The following GPNMB variants were observed in gnomAD, a reference collection of about 807,000 sequenced individuals.
GPNMB encodes the protein transmembrane glycoprotein NMB.
A neutral mutation model predicts 57.3 loss-of-function variants in GPNMB; 71 were observed. The observed-to-expected ratio is 1.24, with a 90% CI of 1.02 to 1.51. The LOEUF (loss-of-function observed/expected upper bound fraction) is 1.51. Among genes scored for constraint, GPNMB ranks in the 40% most tolerant of loss-of-function variants. The probability of loss-of-function intolerance (pLI) is 0.00; values close to 1 mark genes in which losing one functional copy is unlikely to be tolerated. For missense variants in GPNMB, 677 were observed against 691.9 expected (o/e 0.98, Z 0.24); for synonymous variants, 253 against 263.2 (o/e 0.96, Z 0.38).
At chr7:23,268,965 C>G (rs1783133839) in intron 8 of GPNMB, among the ~76,000 whole-genome samples, 1 of 152,198 alleles carries the variant, frequency 6.6e-6, no homozygotes, top group Non-Finnish European at 1.5e-5. Context: ...GCATCAAGGA[C>G]AGATGAGTCA....
At chr7:23,255,989 C>T (rs1282901530) in intron 3 of GPNMB, among the ~76,000 whole-genome samples, 1 of 152,054 alleles carries the variant, frequency 6.6e-6, no homozygotes, top group African/African-American at 2.4e-5. Flanking sequence ...TCACTGCAAC[C>T]TCCACCTCCC....
In GPNMB at chr7:23,253,408, C is replaced by T; in HGVS notation, c.172C>T (p.Leu58Phe). The change falls in exon 2 of 11, where the codon CTC (leucine) becomes TTC (phenylalanine). Residue 58 changes from leucine (L) to phenylalanine (F), a missense_variant. Transcript: ENST00000258733. ...SSDENDWNEK[L>F]YPVWKRGDMR... is the part of the protein sequence containing the mutation. The stretch of plus-strand genomic sequence containing the variant: ...TGATGAAAATGACTGGAATGAAAAA[C>T]TCTACCCAGTGTGGAAGCGGGGAGA... The T allele has an allele frequency of 6.2e-7, 1 of 1,613,826 alleles. No individual in the cohort carries two copies. The highest frequency in any genetic ancestry group is 1.1e-5 in the South Asian group (1 of 91,068).
intron 9 of GPNMB, among the ~76,000 whole-genome samples, chr7:23,272,662 G>A (rs974671804): frequency 2.6e-5 from 4 of 152,190 alleles, no homozygotes; most frequent in East Asian, 1.9e-4. Flanking sequence ...TTTATGTATC[G>A]ATTCAATGGA....
At chr7:23,267,810 T>C (rs1783104498) in intron 7 of GPNMB, 76 bp from the exon 8 acceptor site, 1 of 988,502 alleles carries the variant, frequency 1.0e-6, no homozygotes, top group Admixed American at 1.7e-5. Context: ...ATTCAATCTA[T>C]ACCAGAGTGA....
intron 7 of GPNMB, among the ~76,000 whole-genome samples, chr7:23,267,444 T>C (rs1783092096): frequency 6.6e-6 from 1 of 152,238 alleles, no homozygotes; most frequent in Admixed American, 6.5e-5. Context: ...TTAAGAGCTG[T>C]ACCTTAGTCC....
chr7:23,272,513 G>A (rs1054525122), intron 9 of GPNMB, among the ~76,000 whole-genome samples: 6 of 151,962 alleles, frequency 3.9e-5, no homozygotes, highest in African/African-American at 1.5e-4. Flanking sequence ...GAGAGAGAGT[G>A]AGAAAGAGAA....
At chr7:23,257,264 A>G (rs1782805148) in intron 4 of GPNMB, 199 bp downstream of exon 4, 1 of 608,020 alleles carries the variant, frequency 1.6e-6, no homozygotes, top group African/African-American at 1.9e-5. Flanking sequence ...GACACCGAAG[A>G]GTTAAAAAGA....
rs766855326 is a variant in GPNMB, at chr7:23,246,844, C to G, written c.-14C>G. ...GAGTTAAACCTTGAGTGCCTGCGTC[C>G]GTGAGAATTCAGCATGGAATGTCTC... On this transcript the variant is annotated 5_prime_UTR_variant, in exon 1 of 11. Coordinates refer to ENST00000258733, the MANE Select transcript of GPNMB (RefSeq NM_002510.3). 1.2e-6 allele frequency: 2 copies of G among 1,608,610 alleles called. No individual in the cohort carries two copies. Among genetic ancestry groups the G allele is most frequent in the Non-Finnish European group, 1.7e-6 (2 of 1,175,002 alleles).
intron 6 of GPNMB, among the ~76,000 whole-genome samples, chr7:23,263,571 C>T (rs1562639848): frequency 6.8e-6 from 1 of 147,086 alleles, no homozygotes; most frequent in African/African-American, 2.5e-5. Context: ...GAGATCGCGC[C>T]ATTGCACTCC....
At chr7:23,270,272 T>C in intron 9 of GPNMB, 97 bp downstream of exon 9, 3 of 757,178 alleles carry the variant, frequency 4.0e-6, no homozygotes, top group South Asian at 3.7e-5. Flanking sequence ...CAATGTTTAA[T>C]TCTATTTCAG....
intron 7 of GPNMB, 110 bp downstream of exon 7, chr7:23,266,725 C>G: frequency 1.1e-6 from 1 of 878,154 alleles, no homozygotes; most frequent in Non-Finnish European, 1.7e-6. Context: ...GGGCACCCCT[C>G]TGCTTGTCTA....
At chr7:23,259,954 A>G in intron 4 of GPNMB, 26 bp from the exon 5 acceptor site, 1 of 1,610,708 alleles carries the variant, frequency 6.2e-7, no homozygotes, top group Non-Finnish European at 8.5e-7. Flanking sequence ...TGCAGCCAAT[A>G]ACTAAAAATT....
At position 23,256,870 on chromosome 7, in the gene GPNMB, G is replaced by C. The variant is rs757763556; in HGVS notation, c.368-22G>C. On this transcript the variant is annotated intron_variant, in intron 3 of 10. Transcript: ENST00000258733. ...TTTCTGAGCCTAGATAACACTCATG[G>C]CTGGTTTCTATCTCTGTTTAGAGGC... 3.1e-6 allele frequency: 5 copies of C among 1,607,146 alleles called. No individual in the cohort carries two copies. In the South Asian group the frequency reaches 5.5e-5, roughly 18 times the overall value.
At chr7:23,251,754 G>T (rs747591484) in intron 1 of GPNMB, among the ~76,000 whole-genome samples, 14 of 152,212 alleles carry the variant, frequency 9.2e-5, no homozygotes, top group Non-Finnish European at 1.9e-4. Flanking sequence ...ACCTTTCTCA[G>T]AAGTTCCCAG....
At chr7:23,255,694 T>C (rs1782760302) in intron 3 of GPNMB, among the ~76,000 whole-genome samples, 2 of 152,208 alleles carry the variant, frequency 1.3e-5, no homozygotes, top group South Asian at 2.1e-4. Context: ...TGGTGATTTG[T>C]ATGACTTTTT....
At chr7:23,254,085 C>T in intron 2 of GPNMB, 84 bp from the exon 3 acceptor site, 1 of 1,332,314 alleles carries the variant, frequency 7.5e-7, no homozygotes. Flanking sequence ...TCCTCTGGTC[C>T]TTATTAATAA....
chr7:23,269,933 C>T, intron 8 of GPNMB, 34 bp from the exon 9 acceptor site: 6 of 1,471,642 alleles, frequency 4.1e-6, no homozygotes, highest in Non-Finnish European at 5.7e-6. Context: ...CTTCTCTGTG[C>T]CCTGTGCGCC....
rs762393991 is a variant in GPNMB, at chr7:23,270,021, G to A, written c.1275G>A (p.Gln425=). 6.2e-7 allele frequency: 1 copy of A among 1,614,102 alleles called. No individual in the cohort carries two copies. The highest frequency in any genetic ancestry group is 8.5e-7 in the Non-Finnish European group (1 of 1,179,998). Residue 425 remains glutamine, a synonymous_variant, in exon 9 of 11, where the codon CAG becomes CAA. Transcript: ENST00000258733. ...IISDPTCEIT[Q]NTVCSPVDVD... is the part of the protein sequence containing the mutation. Reference sequence around the variant, plus strand: ...CTGACCCCACCTGCGAGATCACCCAGAACACAGTCTGCAGCCCTGTGGATG... The same window carrying A: ...CTGACCCCACCTGCGAGATCACCCAAAACACAGTCTGCAGCCCTGTGGATG...
At chr7:23,253,976 T>C (rs1782718282) in intron 2 of GPNMB, among the ~76,000 whole-genome samples, 193 bp from the exon 3 acceptor site, 1 of 152,246 alleles carries the variant, frequency 6.6e-6, no homozygotes, top group Non-Finnish European at 1.5e-5. Flanking sequence ...TTAACTGGTC[T>C]GATTTATTTT....
Sources: allele counts gnomAD v4.1 joint callset (sites outside exome capture counted in the v4.1 genomes callset), GRCh38; gene constraint gnomAD v4.1.1; transcripts MANE v1.5; gene names NCBI Gene and HGNC (gene_info 2026-07-23, HGNC 2026-07-21).